MICALL2: variants seen among roughly 807,000 people sequenced by gnomAD.
MICALL2 encodes MICAL like 2.
A neutral mutation model predicts 91.1 loss-of-function variants in MICALL2; 111 were observed. The observed-to-expected ratio is 1.22, with a 90% confidence interval of 1.04 to 1.43. The LOEUF is 1.43. MICALL2 is among the 40% of genes most tolerant of loss of function. The pLI is 0.00. For missense variants in MICALL2, 1,556 were observed against 1,236.0 expected (o/e 1.26, Z -3.88); for synonymous variants, 694 against 525.3 (o/e 1.32, Z -4.39).
intron 14 of MICALL2, chr7:1,437,198 C>T: frequency 4.1e-6 from 2 of 491,070 alleles, no homozygotes; most frequent in Admixed American, 4.1e-5. Context: ...CACCCTGCAT[C>T]ACGAGACAAA....
chr7:1,456,338 T>A (rs2128526559), intron 1 of MICALL2, among the ~76,000 whole-genome samples: 1 of 152,130 alleles, frequency 6.6e-6, no homozygotes. Flanking sequence ...CCCCAGAACT[T>A]TGGGAGGCTG....
At chr7:1,447,445 C>A (rs1041281747) in intron 4 of MICALL2, 130 bp downstream of exon 4, 1 of 605,280 alleles carries the variant, frequency 1.7e-6, no homozygotes, top group Non-Finnish European at 2.9e-6. Flanking sequence ...AAGGCTGAGC[C>A]CTGGACTGGG....
chr7:1,444,266 G>T (rs1347349920), intron 6 of MICALL2, among the ~76,000 whole-genome samples: 2 of 144,804 alleles, frequency 1.4e-5, no homozygotes, highest in Non-Finnish European at 3.0e-5. Context: ...CTCGCGGCCT[G>T]TCCCCGCGTC....
At chr7:1,438,695 G>A (rs1413427432) in intron 10 of MICALL2, 145 bp downstream of exon 10, 6 of 1,474,388 alleles carry the variant, frequency 4.1e-6, no homozygotes, top group African/African-American at 2.8e-5. Flanking sequence ...CGGGCCTGGG[G>A]CACGGGGCTG....
rs998664173 is a variant in MICALL2 at position 1,449,218 on chromosome 7, C to T, written c.193-457G>A. Among the ~76,000 whole-genome samples the T allele has an allele frequency of 2.6e-5, 4 of 152,376 alleles. 1 individual carries two copies. The highest frequency in any genetic ancestry group is 9.6e-5 in the African/African-American group (4 of 41,590). On this transcript the variant is annotated intron_variant, in intron 2 of 16. Coordinates refer to ENST00000297508, the MANE Select transcript of MICALL2 (RefSeq NM_182924.4). The stretch of plus-strand genomic sequence containing the variant: ...GCTGAGACAGGGACTCGACAGCCCA[C>T]GCCGTCCAGCCCAGCAGCCGCCGGC...
At chr7:1,456,062 T>C (rs4725102) in intron 1 of MICALL2, among the ~76,000 whole-genome samples, 150,023 of 151,910 alleles carry the variant, frequency 0.99, 74,116 homozygotes, top group Middle Eastern at 1. Flanking sequence ...CATCCAGAGG[T>C]ACGGCAGGGA....
intron 1 of MICALL2, among the ~76,000 whole-genome samples, chr7:1,454,024 G>A (rs922145422): frequency 1.2e-4 from 19 of 152,168 alleles, no homozygotes; most frequent in Non-Finnish European, 2.1e-4. Context: ...ACTGACCCAC[G>A]ACCATCAACT....
rs1424334334 is a variant in MICALL2, at chr7:1,444,660, C to T, written c.1410G>A (p.Ala470=). The T allele has an allele frequency of 3.1e-6, 5 of 1,609,816 alleles. No individual in the cohort carries two copies. Among genetic ancestry groups the T allele is most frequent in the Middle Eastern group, 1.7e-4 (1 of 5,788 alleles). Residue 470 remains alanine (A), a synonymous_variant, in exon 6 of 17, where the codon GCG becomes GCA. Transcript: ENST00000297508. ...GGTCCCCACGCGCTCACCTGCCAGG[C>T]GCCGGAGCGCCAGCCTCTTCCAGCG... ...LSALEEAGAP[A]PGRPSPATAA...
At position 1,441,948 on chromosome 7, in the gene MICALL2, C is replaced by T. The variant is rs145649918; in HGVS notation, c.1711+244G>A. ...GGCTGGGCTGCAGGCACCTGCAGGA[C>T]GTGCGGATGGGGTGGGCTGGGTGCC... On this transcript the variant is annotated intron_variant, in intron 7 of 16. Coordinates refer to ENST00000297508, the MANE Select transcript of MICALL2 (RefSeq NM_182924.4). 162 of 564,040 alleles carry T rather than the reference C, an allele frequency of 2.9e-4. 1 individual carries two copies. Among genetic ancestry groups the T allele is most frequent in the African/African-American group, 2.4e-3 (126 of 52,850 alleles). The allele number at this position is 564,040 out of a possible 1,614,324, so 34.9% of individuals were successfully genotyped here. A position where few individuals can be genotyped will look rare whatever the true frequency, so the allele number is the denominator to read the frequency against.
In MICALL2 at chr7:1,445,326, T is replaced by G. The variant is rs765450658; in HGVS notation, c.744A>C (p.Ala248=). The change falls in exon 6 of 17, where the codon GCA becomes GCC. Residue 248 remains alanine, a synonymous_variant. Transcript: ENST00000297508. ...CTSHLPAAAS[A]SPKLTGLVPR... ...GGACCAGACCCGTCAACTTGGGGCT[T>G]GCAGAGGCGGCTGCGGGGAGGTGGC... 2.5e-6 allele frequency: 4 copies of G among 1,610,058 alleles called. No individual in the cohort carries two copies. Among genetic ancestry groups the G allele is most frequent in the South Asian group, 1.1e-5 (1 of 90,930 alleles).
Position 1,438,232 on chromosome 7 carries a change from G to C in MICALL2, c.2188-12C>G. 2 of 1,588,874 alleles carry C rather than the reference G, an allele frequency of 1.3e-6. No homozygotes were observed. Among genetic ancestry groups the C allele is most frequent in the Non-Finnish European group, 1.7e-6 (2 of 1,167,830 alleles). Reference sequence around the variant, plus strand: ...TAGTCGGGGTGCAGCTGGGAACGGAGGGGCGGTGAGGATGCCGGAGGGCTG... The same window carrying C: ...TAGTCGGGGTGCAGCTGGGAACGGACGGGCGGTGAGGATGCCGGAGGGCTG... On this transcript the variant is annotated splice_polypyrimidine_tract_variant and intron_variant, in intron 11 of 16. Transcript: ENST00000297508.
intron 8 of MICALL2, 77 bp downstream of exon 8, chr7:1,440,514 G>A (rs150757983): frequency 4.3e-5 from 56 of 1,296,346 alleles, no homozygotes; most frequent in African/African-American, 3.1e-4. Flanking sequence ...CGTGTCAATC[G>A]GTCGATTACA....
intron 4 of MICALL2, 80 bp downstream of exon 4, chr7:1,447,495 G>T: frequency 2.3e-6 from 2 of 863,270 alleles, no homozygotes; most frequent in African/African-American, 1.7e-5. Flanking sequence ...CTTAGGGGCC[G>T]CACGTAGTCC....
rs570516519 is a variant in MICALL2, at chr7:1,450,095, C to T, written c.192+145G>A. The T allele has an allele frequency of 3.7e-5, 26 of 693,966 alleles. 2 individuals are homozygous for T. Among genetic ancestry groups the T allele is most frequent in the South Asian group, 2.5e-4 (15 of 59,994 alleles). 43.0% of individuals were successfully genotyped at this position (693,966 alleles called of 1,614,324 possible). On this transcript the variant is annotated intron_variant, in intron 2 of 16. Transcript: ENST00000297508. ...GGTCACCCAGCCCAGGACGCGTTGC[C>T]GGGCTGGTCAGGGAGCCCCCGATTC...
In MICALL2 at chr7:1,442,194, T is replaced by C. The variant is rs569081578; in HGVS notation, c.1709A>G (p.Gln570Arg). ...CTGCCTCCCAGCCCCTTACTCACCC[T>C]GCGTTAAGGTGGTGCTTTTACCCTT... ...MAKGKSTTLTQDMSTSLQEGQ... is the reference protein window; with the variant it reads ...MAKGKSTTLTRDMSTSLQEGQ... Residue 570 changes from glutamine to arginine, a missense_variant and splice_region_variant, in exon 7 of 17, where the codon CAG becomes CGG. Transcript: ENST00000297508. 1.6e-5 allele frequency: 26 copies of C among 1,612,276 alleles called. No individual in the cohort carries two copies. The highest frequency in any genetic ancestry group is 2.1e-5 in the Non-Finnish European group (25 of 1,179,798).
chr7:1,437,159 A>G lies in MICALL2; in HGVS notation c.2477-303T>C, dbSNP rs143802274. On this transcript the variant is annotated intron_variant, in intron 14 of 16. Coordinates refer to ENST00000297508, the MANE Select transcript of MICALL2 (RefSeq NM_182924.4). ...CACAGCAAGGAAAGGGCAGAGGCAG[A>G]CGGCCTGGGCCTGTGCCCTCAGCCA... 5.9e-4 allele frequency: 279 copies of G among 476,612 alleles called. 3 individuals are homozygous for G. In the East Asian group the frequency reaches 0.01, roughly 18 times the overall value. The allele number at this position is 476,612 out of a possible 1,614,324, so 29.5% of individuals were successfully genotyped here. A position where few individuals can be genotyped will look rare whatever the true frequency, so the allele number is the denominator to read the frequency against.
Position 1,452,570 on chromosome 7 carries a change from G to C in MICALL2, c.144-2282C>G, listed in dbSNP as rs1780874317. ...ACAAGTCTGTTTTTTCTCTAAACAA[G>C]CAGGAGGAGGAGGCTGTCTGCCTCC... is the stretch of plus-strand genomic sequence containing the variant. On this transcript the variant is annotated intron_variant, in intron 1 of 16. Transcript: ENST00000297508. This position sits in a 1 kb window ranked among gnomAD's most constrained non-coding sequence, Gnocchi z 6.2. Among the ~76,000 whole-genome samples, 1 of 152,164 alleles carries C rather than the reference G, an allele frequency of 6.6e-6. No homozygotes were observed. Among genetic ancestry groups the C allele is most frequent in the South Asian group, 2.1e-4 (1 of 4,832 alleles).
rs1288347543 is a variant in MICALL2 at position 1,437,927 on chromosome 7, G to A, written c.2365C>T (p.Gln789Ter). Residue 789 changes from glutamine (Q) to a stop codon, truncating the protein, a stop_gained, in exon 13 of 17, where the codon CAG becomes TAG. Coordinates refer to ENST00000297508, the MANE Select transcript of MICALL2 (RefSeq NM_182924.4). LOFTEE classifies it high-confidence loss of function. ...VDWFWLIHEK[Q>*]LLLRQESELM... ...TCTGACTCCTGTCTCAGCAGAAGCT[G>A]CTTCTCGTGAATGAGCCAGAACCAG... 4.5e-6 allele frequency: 7 copies of A among 1,549,482 alleles called. No homozygotes were observed. Among genetic ancestry groups the A allele is most frequent in the Middle Eastern group, 2.1e-4 (1 of 4,862 alleles).
chr7:1,447,839 A>C lies in MICALL2; in HGVS notation c.335-74T>G, dbSNP rs1181913942. 2.5e-6 allele frequency: 3 copies of C among 1,218,038 alleles called. No individual in the cohort carries two copies. In the East Asian group the frequency reaches 8.5e-5, roughly 35 times the overall value. The allele number at this position is 1,218,038 out of a possible 1,614,324, so 75.5% of individuals were successfully genotyped here. A position where few individuals can be genotyped will look rare whatever the true frequency, so the allele number is the denominator to read the frequency against. ...AGGGTCTAGTCCCTCCAGAGGTCCC[A>C]GTGCCCAGCACAGGCCTTGGTGCCC... On this transcript the variant is annotated intron_variant, in intron 3 of 16. Coordinates refer to ENST00000297508, the MANE Select transcript of MICALL2 (RefSeq NM_182924.4).
Sources: allele counts gnomAD v4.1 joint callset (sites outside exome capture counted in the v4.1 genomes callset), GRCh38; gene constraint gnomAD v4.1.1; non-coding constraint Gnocchi (gnomAD v3.1); transcripts MANE v1.5; gene names NCBI Gene and HGNC (gene_info 2026-07-23, HGNC 2026-07-21).